Variants in HTR3B observed in about 807,000 individuals in gnomAD.
HTR3B encodes 5-hydroxytryptamine receptor 3B, also known as 5-hydroxytryptamine (serotonin) receptor 3B, ionotropic.
A neutral mutation model predicts 42.8 loss-of-function variants in HTR3B; 44 were observed. That is an observed-to-expected ratio of 1.03 (90% CI 0.81 to 1.32). The LOEUF (loss-of-function observed/expected upper bound fraction) is 1.32. Ranked by LOEUF, HTR3B falls within the 40% of genes most tolerant of loss-of-function variation. The pLI is 0.00. For synonymous variants in HTR3B, 203 were observed against 209.0 expected (o/e 0.97, Z 0.25); for missense variants, 527 against 536.5 (o/e 0.98, Z 0.17).
Position 113,944,055 on chromosome 11 carries a change from G to C in HTR3B, c.908-518G>C, listed in dbSNP as rs189985199. Among the ~76,000 whole-genome samples the C allele has an allele frequency of 1.3e-3, 180 of 143,794 alleles. 1 individual carries two copies. Among genetic ancestry groups the C allele is most frequent in the African/African-American group, 4.3e-3 (168 of 38,658 alleles). The allele number at this position is 143,794 out of a possible 152,430, so 94.3% of individuals were successfully genotyped here. ...TTTTTTTTTGAGATGGAGTCTTGCTGTGTCTCCAGGCTGGAGTGCAGTGGT... is the reference window on the plus strand; with the variant it reads ...TTTTTTTTTGAGATGGAGTCTTGCTCTGTCTCCAGGCTGGAGTGCAGTGGT... On this transcript the variant is annotated intron_variant, in intron 7 of 8. Transcript: ENST00000260191.
chr11:113,938,746 T>C (rs1416461715), intron 6 of HTR3B, among the ~76,000 whole-genome samples: 2 of 152,204 alleles, frequency 1.3e-5, no homozygotes, highest in Non-Finnish European at 2.9e-5. Flanking sequence ...GGCCTGGCAC[T>C]GTGGCTAACG....
chr11:113,935,306 G>A (rs189679868), intron 6 of HTR3B, among the ~76,000 whole-genome samples: 1 of 152,136 alleles, frequency 6.6e-6, no homozygotes, highest in Admixed American at 6.5e-5. Context: ...AAGTGGAAGT[G>A]TGCTGGAGGC....
At position 113,923,722 on chromosome 11, in the gene HTR3B, G is replaced by A. The variant is rs562157138; in HGVS notation, c.214-7662G>A. 4.6e-5 allele frequency among the ~76,000 whole-genome samples: 7 copies of A among 152,194 alleles called. No homozygotes were observed. The South Asian group carries it at 6.2e-4, about 14-fold the overall frequency. On this transcript the variant is annotated intron_variant, in intron 2 of 8. Coordinates refer to ENST00000260191, the MANE Select transcript of HTR3B (RefSeq NM_006028.5). ...GGTATCTAAAGAAAAAAAACAGGGCGAGATACACAGAGGGAAAAGCTGTGA... is the reference window on the plus strand; with the variant it reads ...GGTATCTAAAGAAAAAAAACAGGGCAAGATACACAGAGGGAAAAGCTGTGA...
chr11:113,903,988 G>A (rs183966020), upstream of HTR3B, among the ~76,000 whole-genome samples: 16 of 152,190 alleles, frequency 1.1e-4, no homozygotes, highest in East Asian at 2.7e-3. Context: ...CCCCCCTTCG[G>A]TTGGCTCTGT....
At chr11:113,923,348 A>G (rs1949934371) in intron 2 of HTR3B, among the ~76,000 whole-genome samples, 1 of 152,210 alleles carries the variant, frequency 6.6e-6, no homozygotes. Flanking sequence ...TATATAAAAG[A>G]CTACAGTCTT....
chr11:113,907,897 C>A (rs1949745419), intron 1 of HTR3B, among the ~76,000 whole-genome samples: 1 of 152,146 alleles, frequency 6.6e-6, no homozygotes. Flanking sequence ...GCCTTGTGCT[C>A]CTGACTTCCC....
At chr11:113,904,427 C>T (rs1424544495), upstream of HTR3B, among the ~76,000 whole-genome samples, 2 of 152,196 alleles carry the variant, frequency 1.3e-5, no homozygotes, top group Non-Finnish European at 2.9e-5. Context: ...TTCCATTAGC[C>T]TTGTGTAATT....
Position 113,933,173 on chromosome 11 carries a change from T to C in HTR3B, c.696+80T>C, listed in dbSNP as rs988603094. 5 of 1,373,982 alleles carry C rather than the reference T, an allele frequency of 3.6e-6. No homozygotes were observed. In the Admixed American group the frequency reaches 1.0e-4, roughly 28 times the overall value. 85.1% of individuals were successfully genotyped at this position (1,373,982 alleles called of 1,614,324 possible). A position where few individuals can be genotyped will look rare whatever the true frequency, so the allele number is the denominator to read the frequency against. ...CTCTCTTGGGCCAAGGAATTTCTGC[T>C]CTATTGCATGTTCTCATTCATTATC... On this transcript the variant is annotated intron_variant, in intron 6 of 8. Coordinates refer to ENST00000260191, the MANE Select transcript of HTR3B (RefSeq NM_006028.5).
intron 2 of HTR3B, among the ~76,000 whole-genome samples, chr11:113,913,912 A>G (rs1320074745): frequency 6.6e-6 from 1 of 152,162 alleles, no homozygotes; most frequent in Non-Finnish European, 1.5e-5. Flanking sequence ...AGGGAGAGAA[A>G]GCTGACCTGA....
chr11:113,927,751 C>T (rs545026603), intron 2 of HTR3B, among the ~76,000 whole-genome samples: 20 of 151,896 alleles, frequency 1.3e-4, no homozygotes, highest in African/African-American at 3.1e-4. Context: ...TTAGTGGAGA[C>T]GGGGTTTCAT....
At chr11:113,901,860 C>T (rs1056099953), upstream of HTR3B, among the ~76,000 whole-genome samples, 1 of 152,218 alleles carries the variant, frequency 6.6e-6, no homozygotes, top group African/African-American at 2.4e-5. Flanking sequence ...TGTCGATCAT[C>T]GCCTCAATTA....
At chr11:113,913,263 A>AGCC (rs1295563047) in intron 2 of HTR3B, among the ~76,000 whole-genome samples, 15 of 149,688 alleles carry the variant, frequency 1.0e-4, no homozygotes, top group African/African-American at 3.4e-4. Flanking sequence ...GGCTCACTGC[A>AGCC]GCCGCCGCCT....
intron 2 of HTR3B, among the ~76,000 whole-genome samples, chr11:113,914,231 G>T (rs1471992959): frequency 6.6e-6 from 1 of 151,804 alleles, no homozygotes; most frequent in East Asian, 2.0e-4. Flanking sequence ...ACTTCGGGAG[G>T]CCGAGGCAGG....
intron 2 of HTR3B, among the ~76,000 whole-genome samples, chr11:113,912,675 G>T (rs1165926067): frequency 3.3e-5 from 5 of 152,170 alleles, no homozygotes; most frequent in Non-Finnish European, 7.3e-5. Context: ...AGCTATGAGA[G>T]TTCCTATTGC....
Position 113,944,697 on chromosome 11 carries a change from G to T in HTR3B, c.1032G>T (p.Gly344=). ...AGCAGCCCTTCTTGTGCCTTCGAGG[G>T]GACACCGATGCTGACAGGCCTAGAG... ...GQEQPFLCLR[G]DTDADRPRVE... is the part of the protein sequence containing the mutation. Residue 344 remains glycine (G), a synonymous_variant, in exon 8 of 9, where the codon GGG becomes GGT. Transcript: ENST00000260191. 1 of 1,614,096 alleles carries T rather than the reference G, an allele frequency of 6.2e-7. No homozygotes were observed. Among genetic ancestry groups the T allele is most frequent in the Non-Finnish European group, 8.5e-7 (1 of 1,180,022 alleles).
chr11:113,930,346 A>G (rs1190141224), intron 2 of HTR3B, among the ~76,000 whole-genome samples: 1 of 151,956 alleles, frequency 6.6e-6, no homozygotes, highest in Non-Finnish European at 1.5e-5. Context: ...ATTTGGGTGT[A>G]TGATTCATTT....
intron 2 of HTR3B, among the ~76,000 whole-genome samples, chr11:113,920,997 G>C (rs561265350): frequency 3.0e-4 from 45 of 151,142 alleles, no homozygotes; most frequent in African/African-American, 1.0e-3. Flanking sequence ...ATTTTTAGTA[G>C]AGATGGGGTT....
intron 4 of HTR3B, 82 bp from the exon 5 acceptor site, chr11:113,932,207 C>A: frequency 8.7e-7 from 1 of 1,155,850 alleles, no homozygotes; most frequent in South Asian, 1.4e-5. Flanking sequence ...ACCTCATGGT[C>A]ACTACCATCT....
At chr11:113,927,579 T>G (rs1400152040) in intron 2 of HTR3B, among the ~76,000 whole-genome samples, 5 of 152,100 alleles carry the variant, frequency 3.3e-5, no homozygotes, top group African/African-American at 1.2e-4. Context: ...TTTTTTTTTT[T>G]TGAGACAGAG....
Sources: gnomAD v4.1 joint callset for allele counts (sites outside exome capture counted in the v4.1 genomes callset) on GRCh38, gnomAD v4.1.1 for gene constraint, MANE v1.5 for transcripts, NCBI Gene and HGNC (gene_info 2026-07-23, HGNC 2026-07-21) for gene names.